Variants in RAB27B observed in about 807,000 individuals in gnomAD.
RAB27B encodes RAB27B, member RAS oncogene family.
In RAB27B, 15 loss-of-function variants were observed where a neutral mutation model predicts 24.6. The observed-to-expected ratio is 0.61, with a 90% CI of 0.41 to 0.94. RAB27B has a LOEUF of 0.94. Ranked by LOEUF, RAB27B falls within the 40% of genes least tolerant of loss-of-function variation. The pLI is 0.00. For synonymous variants in RAB27B, 105 were observed against 92.5 expected (o/e 1.14, Z -0.78); for missense variants, 261 against 266.8 (o/e 0.98, Z 0.15).
At chr18:54,771,425 C>G (rs1253618597) in intron 2 of RAB27B, among the ~76,000 whole-genome samples, 1 of 151,998 alleles carries the variant, frequency 6.6e-6, no homozygotes, top group African/African-American at 2.4e-5. Flanking sequence ...GATGAGAAGT[C>G]GAAGTGAGGT....
chr18:54,750,797 A>G (rs936770806), intron 2 of RAB27B, among the ~76,000 whole-genome samples: 2 of 152,224 alleles, frequency 1.3e-5, no homozygotes, highest in Non-Finnish European at 2.9e-5. Context: ...AAAAGCAAAG[A>G]ACCCATAAGT....
At chr18:54,764,650 C>G (rs1039653036) in intron 2 of RAB27B, among the ~76,000 whole-genome samples, 3 of 152,174 alleles carry the variant, frequency 2.0e-5, no homozygotes, top group African/African-American at 7.2e-5. Flanking sequence ...ATCCTATTCT[C>G]TCTTAGAATT....
chr18:54,738,770 G>A (rs1909978965), intron 2 of RAB27B, among the ~76,000 whole-genome samples: 1 of 152,052 alleles, frequency 6.6e-6, no homozygotes, highest in Admixed American at 6.5e-5. Context: ...GCTAGTTGTG[G>A]AACAAAACTT....
chr18:54,736,980 T>G (rs924850571), intron 2 of RAB27B, among the ~76,000 whole-genome samples: 3 of 152,246 alleles, frequency 2.0e-5, no homozygotes, highest in African/African-American at 4.8e-5. Context: ...TAAATGTTAT[T>G]TCCTTTTGTG....
At chr18:54,875,449 A>G (rs1912654805) in intron 1 of RAB27B, among the ~76,000 whole-genome samples, 1 of 152,200 alleles carries the variant, frequency 6.6e-6, no homozygotes, top group Admixed American at 6.5e-5. Context: ...CTTCATGGCA[A>G]TAATTGAGAC....
chr18:54,771,591 AGTGTGTGTGTGTGTGT>A (rs36228307), intron 2 of RAB27B, among the ~76,000 whole-genome samples: 2,167 of 144,968 alleles, frequency 0.015, 38 homozygotes, highest in African/African-American at 0.037. Flanking sequence ...CTGATAGTTT[AGTGTGTGTGTGTGTGT>A]GTGTGTGTGT....
In RAB27B at chr18:54,723,554, T is replaced by C. The variant is rs78678636; in HGVS notation, c.-20+5413T>C. 3.4e-3 allele frequency among the ~76,000 whole-genome samples: 517 copies of C among 152,268 alleles called. 2 individuals carry two copies. Among genetic ancestry groups the C allele is most frequent in the East Asian group, 0.017 (88 of 5,186 alleles). ...ATAATCCTGAATATAAGTAGTAATATTGACTGTAAATAATAAAAAATTTTA... is the reference window on the plus strand; with the variant it reads ...ATAATCCTGAATATAAGTAGTAATACTGACTGTAAATAATAAAAAATTTTA... On this transcript the variant is annotated intron_variant, in intron 2 of 4. Transcript: ENST00000586570.
At chr18:54,877,913 C>T (rs972378237) in intron 2 of RAB27B, among the ~76,000 whole-genome samples, 175 bp downstream of exon 2, 1 of 152,172 alleles carries the variant, frequency 6.6e-6, no homozygotes, top group South Asian at 2.1e-4. Context: ...ATAACATTTT[C>T]CTAGAAAAGT....
At chr18:54,873,516 A>T (rs1912560274) in intron 1 of RAB27B, among the ~76,000 whole-genome samples, 1 of 152,100 alleles carries the variant, frequency 6.6e-6, no homozygotes. Flanking sequence ...CAGCCTTTTG[A>T]TCCTTCCCAC....
intron 1 of RAB27B, among the ~76,000 whole-genome samples, chr18:54,871,641 G>C (rs540867445): frequency 1.3e-5 from 2 of 152,126 alleles, no homozygotes; most frequent in East Asian, 3.9e-4. Context: ...ACGAGGTCAG[G>C]AGATCGAGAC....
chr18:54,763,628 A>G (rs976420269), intron 2 of RAB27B, among the ~76,000 whole-genome samples: 5 of 152,198 alleles, frequency 3.3e-5, no homozygotes, highest in Admixed American at 3.3e-4. Context: ...TACGATGTGA[A>G]GTGGATTCCT....
intron 2 of RAB27B, among the ~76,000 whole-genome samples, chr18:54,735,444 G>A (rs933252565): frequency 7.9e-5 from 12 of 152,090 alleles, no homozygotes; most frequent in African/African-American, 2.7e-4. Context: ...CTATCTAGAC[G>A]ATGCATGGGT....
At chr18:54,825,367 T>A (rs764733850), upstream of RAB27B, among the ~76,000 whole-genome samples, 9 of 152,206 alleles carry the variant, frequency 5.9e-5, no homozygotes, top group Non-Finnish European at 1.3e-4. Flanking sequence ...AAGTTCATCA[T>A]CTTCATTTCT....
intron 2 of RAB27B, among the ~76,000 whole-genome samples, chr18:54,775,854 C>T (rs1010698461): frequency 1.3e-5 from 2 of 152,172 alleles, no homozygotes; most frequent in African/African-American, 2.4e-5. Context: ...TGGTCAGCCT[C>T]GGCACAGTCA....
chr18:54,760,607 C>T (rs1011050328), intron 2 of RAB27B, among the ~76,000 whole-genome samples: 1 of 152,154 alleles, frequency 6.6e-6, no homozygotes, highest in African/African-American at 2.4e-5. Flanking sequence ...TGAACTTGGA[C>T]ATGGCAGGAC....
At chr18:54,868,306 C>A (rs1912322960) in intron 1 of RAB27B, among the ~76,000 whole-genome samples, 1 of 152,136 alleles carries the variant, frequency 6.6e-6, no homozygotes, top group Admixed American at 6.5e-5. Context: ...CTTGCTCCTG[C>A]TTTTGCCATA....
At chr18:54,850,359 T>TATATATATATATAC (rs1491518141) in intron 1 of RAB27B, among the ~76,000 whole-genome samples, 14 of 126,870 alleles carry the variant, frequency 1.1e-4, no homozygotes, top group African/African-American at 4.4e-4. Flanking sequence ...TATATATATA[T>TATATATATATATAC]ACATACATAC....
chr18:54,809,892 A>G (rs2311120), intron 2 of RAB27B, among the ~76,000 whole-genome samples: 38,642 of 152,112 alleles, frequency 0.25, 5,344 homozygotes, highest in African/African-American at 0.34. Context: ...ACAGCTAATG[A>G]TATTTTGAAT....
chr18:54,805,546 T>C (rs906864331), intron 2 of RAB27B, among the ~76,000 whole-genome samples: 14 of 152,186 alleles, frequency 9.2e-5, no homozygotes, highest in African/African-American at 3.4e-4. Context: ...ACTTAGAGAA[T>C]TCATGAGCAA....
Sources: allele counts gnomAD v4.1 joint callset (sites outside exome capture counted in the v4.1 genomes callset), GRCh38; gene constraint gnomAD v4.1.1; transcripts MANE v1.5; gene names NCBI Gene and HGNC (gene_info 2026-07-23, HGNC 2026-07-21).